UBAP1: variants seen among roughly 807,000 people sequenced by gnomAD.
UBAP1 encodes ubiquitin associated protein 1, also known as ubiquitin-associated protein 1.
A neutral mutation model predicts 39.0 loss-of-function variants in UBAP1; 5 were observed. The ratio of observed to expected loss-of-function variants is 0.13; its 90% CI spans 0.07 to 0.27. UBAP1 has a LOEUF of 0.27. Among genes scored for constraint, UBAP1 ranks in the 10% least tolerant of loss-of-function variants. The pLI is 1.00. For synonymous variants in UBAP1, 211 were observed against 225.1 expected, an observed-to-expected ratio of 0.94 and a Z score of 0.56; for missense variants, 490 against 608.1, an observed-to-expected ratio of 0.81 and a Z score of 2.04.
intron 1 of UBAP1, among the ~76,000 whole-genome samples, chr9:34,194,340 A>C (rs1294181494): frequency 6.7e-6 from 1 of 149,796 alleles, no homozygotes; most frequent in Admixed American, 6.7e-5. Context: ...TTTGAGATGG[A>C]GTCTCGCTCT....
intron 3 of UBAP1, among the ~76,000 whole-genome samples, chr9:34,238,218 A>G (rs1833798320): frequency 6.6e-6 from 1 of 152,206 alleles, no homozygotes; most frequent in Admixed American, 6.5e-5. Context: ...TAGGTGAATA[A>G]TATTTCATTG....
At chr9:34,238,664 G>A (rs1458287704) in intron 3 of UBAP1, among the ~76,000 whole-genome samples, 3 of 152,076 alleles carry the variant, frequency 2.0e-5, no homozygotes, top group African/African-American at 7.2e-5. Flanking sequence ...TTTGTGTATG[G>A]AGACTTTATT....
At chr9:34,192,009 A>T (rs1408834466) in intron 1 of UBAP1, 3 of 150,644 alleles carry the variant, frequency 2.0e-5, no homozygotes, top group Admixed American at 1.3e-4. Context: ...AAATTTTTTT[A>T]ATTAAATTTT....
chr9:34,190,487 A>G (rs181697019), intron 1 of UBAP1, among the ~76,000 whole-genome samples: 2 of 150,600 alleles, frequency 1.3e-5, no homozygotes, highest in East Asian at 3.9e-4. Context: ...ATGGGGTTTC[A>G]CCATGTTGGC....
intron 1 of UBAP1, chr9:34,220,493 T>G (rs1012197764): frequency 6.3e-6 from 1 of 157,556 alleles, no homozygotes; most frequent in African/African-American, 2.4e-5. Context: ...CCCAGCTAAT[T>G]TTTTCAATTT....
chr9:34,188,447 T>TA (rs398010665), intron 1 of UBAP1, among the ~76,000 whole-genome samples: 1 of 98,398 alleles, frequency 1.0e-5, no homozygotes, highest in Non-Finnish European at 2.2e-5. Flanking sequence ...TTTTTTTTTT[T>TA]AAAGAGATGG....
intron 1 of UBAP1, among the ~76,000 whole-genome samples, chr9:34,195,318 C>CT (rs1417322780): frequency 6.6e-6 from 1 of 151,826 alleles, no homozygotes; most frequent in African/African-American, 2.4e-5. Flanking sequence ...ACTTTTTTGT[C>CT]TATGATTCAT....
intron 1 of UBAP1, among the ~76,000 whole-genome samples, chr9:34,212,714 T>C (rs1340261740): frequency 5.8e-5 from 3 of 51,836 alleles, no homozygotes; most frequent in Non-Finnish European, 1.3e-4. Context: ...GAAATGGTAA[T>C]TTAAAAATTA....
intron 6 of UBAP1, chr9:34,250,972 C>CAGTGA: frequency 1.8e-6 from 1 of 568,800 alleles, no homozygotes; most frequent in South Asian, 1.9e-5. Context: ...TTCAGAATCC[C>CAGTGA]AGTGAAGGGA....
intron 1 of UBAP1, among the ~76,000 whole-genome samples, chr9:34,195,412 A>G (rs1053879610): frequency 6.6e-6 from 1 of 151,982 alleles, no homozygotes; most frequent in African/African-American, 2.4e-5. Context: ...CTTTTTGTTG[A>G]AAAGATTACC....
At chr9:34,232,290 C>T (rs919060539) in intron 2 of UBAP1, among the ~76,000 whole-genome samples, 3 of 152,186 alleles carry the variant, frequency 2.0e-5, no homozygotes, top group Non-Finnish European at 2.9e-5. Flanking sequence ...CCACTGCACC[C>T]GGCCTGAGTT....
intron 2 of UBAP1, among the ~76,000 whole-genome samples, chr9:34,227,560 G>C (rs1352405182): frequency 6.6e-6 from 1 of 152,108 alleles, no homozygotes; most frequent in African/African-American, 2.4e-5. Flanking sequence ...AGAATCATAG[G>C]CATATCAGCA....
chr9:34,217,019 T>TCCCTTTACTACCCTC, intron 1 of UBAP1, among the ~76,000 whole-genome samples: 1 of 152,230 alleles, frequency 6.6e-6, no homozygotes, highest in Non-Finnish European at 1.5e-5. Flanking sequence ...TCCCTGCCCT[T>TCCCTTTACTACCCTC]CCCTTTACTA....
intron 2 of UBAP1, among the ~76,000 whole-genome samples, chr9:34,225,855 G>A (rs1022928750): frequency 2.6e-5 from 4 of 151,520 alleles, no homozygotes; most frequent in Admixed American, 6.6e-5. Context: ...CTAGGAGAAA[G>A]GTTATTTATC....
At chr9:34,186,574 G>A (rs904539912) in intron 1 of UBAP1, among the ~76,000 whole-genome samples, 1 of 152,010 alleles carries the variant, frequency 6.6e-6, no homozygotes, top group Non-Finnish European at 1.5e-5. Context: ...AATCTGGTGG[G>A]TTTGAAATTG....
chr9:34,234,387 A>G (rs1247801760), intron 3 of UBAP1, 47 bp downstream of exon 3: 6 of 1,552,512 alleles, frequency 3.9e-6, no homozygotes, highest in Admixed American at 2.2e-5. Flanking sequence ...AAAAGTTTAA[A>G]GAGTAAGAAT....
In UBAP1 at chr9:34,239,202, C is replaced by T. The variant is rs78958533; in HGVS notation, c.160-1983C>T. ...TGGGACTACGGCATGTGCCACCACACCTGGCTAATTTTTGTATTTTTAGTA... is the reference window on the plus strand; with the variant it reads ...TGGGACTACGGCATGTGCCACCACATCTGGCTAATTTTTGTATTTTTAGTA... On this transcript the variant is annotated intron_variant, in intron 3 of 6. Transcript: ENST00000297661. 2.0e-5 allele frequency among the ~76,000 whole-genome samples: 3 copies of T among 152,232 alleles called. No homozygotes were observed. The East Asian group carries it at 5.8e-4, about 29-fold the overall frequency.
intron 2 of UBAP1, 63 bp downstream of exon 2, chr9:34,221,011 A>C: frequency 6.7e-7 from 1 of 1,496,926 alleles, no homozygotes; most frequent in Non-Finnish European, 9.3e-7. Context: ...GGAATCACTT[A>C]GCATAGTTTT....
intron 2 of UBAP1, among the ~76,000 whole-genome samples, chr9:34,229,853 T>G (rs1833316520): frequency 6.6e-6 from 1 of 152,076 alleles, no homozygotes; most frequent in Non-Finnish European, 1.5e-5. Context: ...TTTTGTATTT[T>G]TAGTAGATAC....
Sources: gnomAD v4.1 joint callset for allele counts (sites outside exome capture counted in the v4.1 genomes callset) on GRCh38, gnomAD v4.1.1 for gene constraint, MANE v1.5 for transcripts, NCBI Gene and HGNC (gene_info 2026-07-23, HGNC 2026-07-21) for gene names.